NLGN4X: variants seen among roughly 807,000 people sequenced by gnomAD.
NLGN4X encodes the protein neuroligin-4, X-linked.
A neutral mutation model predicts 40.3 loss-of-function variants in NLGN4X; 3 were observed. The ratio of observed to expected loss-of-function variants is 0.07; its 90% CI spans 0.03 to 0.19. NLGN4X has a LOEUF of 0.19. Among genes scored for constraint, NLGN4X ranks in the 10% least tolerant of loss-of-function variants. The probability of loss-of-function intolerance (pLI) is 1.00; values close to 1 mark genes in which losing one functional copy is unlikely to be tolerated. For synonymous variants in NLGN4X, 270 were observed against 306.8 expected (o/e 0.88, Z 1.25); for missense variants, 382 against 708.3 (o/e 0.54, Z 5.23).
chrX:6,081,192 G>A (rs771909662), intron 2 of NLGN4X, among the ~76,000 whole-genome samples: 5 of 111,741 alleles, frequency 4.5e-5, no homozygotes, highest in Non-Finnish European at 9.4e-5. Context: ...AGAGGCTGAG[G>A]TGGGAGGATT....
intron 2 of NLGN4X, among the ~76,000 whole-genome samples, chrX:6,081,899 T>C (rs10522049): frequency 0.049 from 5,510 of 111,964 alleles, 127 homozygotes; most frequent in East Asian, 0.16. Flanking sequence ...ACAGTTGCGA[T>C]CAATAAAGAA....
intron 1 of NLGN4X, among the ~76,000 whole-genome samples, chrX:6,165,580 T>A (rs1303732747): frequency 8.9e-6 from 1 of 112,041 alleles, no homozygotes; most frequent in African/African-American, 3.2e-5. Context: ...AAGATTCTAA[T>A]CTGCCAGATT....
intron 2 of NLGN4X, among the ~76,000 whole-genome samples, chrX:6,050,758 C>G (rs369870619): frequency 1.1e-5 from 1 of 93,488 alleles, no homozygotes. Context: ...TCTATTCACC[C>G]ATGTCTGTCT....
In NLGN4X at chrX:6,151,226, G is replaced by A. The variant is rs1245032090; in HGVS notation, c.241C>T (p.Pro81Ser). 8.3e-7 allele frequency: 1 copy of A among 1,210,971 alleles called. No individual in the cohort carries two copies. The highest frequency in any genetic ancestry group is 1.7e-5 in the African/African-American group (1 of 57,743). The change falls in exon 2 of 6, where the codon CCC (proline) becomes TCC (serine). Residue 81 changes from proline to serine, a missense_variant. This residue lies in a region of NLGN4X where 115 missense variants were observed against 149.6 expected (regional missense o/e 0.77). Transcript: ENST00000381095. The stretch of plus-strand genomic sequence containing the variant: ...TGAAACCGCCTCTCTCCAGTGGGGG[G>A]TGAGGCATAGGGGACCCCTAAGTAC... ...EQYLGVPYAS[P>S]PTGERRFQPP... is the part of the protein sequence containing the mutation.
chrX:6,006,882 A>T (rs780571560), intron 3 of NLGN4X, among the ~76,000 whole-genome samples: 4 of 111,802 alleles, frequency 3.6e-5, no homozygotes, highest in Non-Finnish European at 7.5e-5. Flanking sequence ...TATGGAAAAT[A>T]GTATGGAGAT....
chrX:6,014,412 C>T (rs780234892), intron 3 of NLGN4X, among the ~76,000 whole-genome samples: 1 of 111,460 alleles, frequency 9.0e-6, no homozygotes, highest in African/African-American at 3.3e-5. Context: ...ACTTTTAGCA[C>T]CCAGAACTGT....
intron 2 of NLGN4X, among the ~76,000 whole-genome samples, chrX:6,145,429 C>A: frequency 8.9e-6 from 1 of 112,236 alleles, no homozygotes; most frequent in Non-Finnish European, 1.9e-5. Context: ...TGCATCCCTG[C>A]CATTCTGCCA....
intron 2 of NLGN4X, among the ~76,000 whole-genome samples, chrX:6,081,401 GC>G (rs765487030): frequency 8.9e-5 from 10 of 112,643 alleles, no homozygotes; most frequent in African/African-American, 3.2e-4. Flanking sequence ...ACAGGCATGA[GC>G]CACTATGCCC....
intron 1 of NLGN4X, among the ~76,000 whole-genome samples, chrX:6,193,642 T>C (rs1378300507): frequency 9.0e-6 from 1 of 111,727 alleles, no homozygotes; most frequent in African/African-American, 3.3e-5. Flanking sequence ...TGTTCCCTAA[T>C]AAGTCAAGGA....
Position 6,054,559 on chromosome X carries a change from G to A in NLGN4X, c.473-25127C>T, listed in dbSNP as rs1242669896. 3.6e-5 allele frequency among the ~76,000 whole-genome samples: 4 copies of A among 111,210 alleles called. No individual in the cohort carries two copies. The East Asian group carries it at 1.1e-3, about 31-fold the overall frequency. Reference sequence around the variant, plus strand: ...CACTTGACCTCAGGATTTCAAGGTTGCAGTGAGCTATGATCATACCACTCC... The same window carrying A: ...CACTTGACCTCAGGATTTCAAGGTTACAGTGAGCTATGATCATACCACTCC... On this transcript the variant is annotated intron_variant, in intron 2 of 5. Transcript: ENST00000381095.
chrX:6,064,628 T>C (rs771064713), intron 2 of NLGN4X, among the ~76,000 whole-genome samples: 8 of 110,826 alleles, frequency 7.2e-5, no homozygotes, highest in Non-Finnish European at 1.5e-4. Flanking sequence ...GGGACAAGCA[T>C]GTCATCAATA....
rs1035697604 is a variant in NLGN4X, at chrX:6,210,007, C to T, written c.-306+18534G>A. Among the ~76,000 whole-genome samples the T allele has an allele frequency of 4.5e-5, 5 of 111,530 alleles. No individual in the cohort carries two copies. In the East Asian group the frequency reaches 1.4e-3, roughly 32 times the overall value. ...CTGGGATTACAGGAGCGAGCCATCACATCTGGCTATTTTTTTTCTTTTTTT... is the reference window on the plus strand; with the variant it reads ...CTGGGATTACAGGAGCGAGCCATCATATCTGGCTATTTTTTTTCTTTTTTT... On this transcript the variant is annotated intron_variant, in intron 1 of 5. Coordinates refer to ENST00000381095, the MANE Select transcript of NLGN4X (RefSeq NM_181332.3).
chrX:5,894,582 C>T (rs1445647661), intron 5 of NLGN4X, among the ~76,000 whole-genome samples: 1 of 111,220 alleles, frequency 9.0e-6, no homozygotes, highest in African/African-American at 3.3e-5. Flanking sequence ...AAACTATGAG[C>T]CAAAGAATTA....
intron 2 of NLGN4X, among the ~76,000 whole-genome samples, chrX:6,031,177 T>C (rs911765776): frequency 8.9e-6 from 1 of 112,314 alleles, no homozygotes; most frequent in African/African-American, 3.2e-5. Flanking sequence ...TGAAAACAGA[T>C]TCTAATTATC....
chrX:5,942,331 G>T (rs912382588), intron 3 of NLGN4X, among the ~76,000 whole-genome samples: 14 of 111,160 alleles, frequency 1.3e-4, no homozygotes, highest in African/African-American at 3.9e-4. Flanking sequence ...ACATCAGGGA[G>T]GAGTGGTTCA....
chrX:6,093,463 T>C (rs2038688647), intron 2 of NLGN4X, among the ~76,000 whole-genome samples: 1 of 111,420 alleles, frequency 9.0e-6, no homozygotes, highest in Non-Finnish European at 1.9e-5. Flanking sequence ...ATCAAGTAAA[T>C]GGCAAATTAA....
At chrX:6,044,940 G>T (rs190344706) in intron 2 of NLGN4X, among the ~76,000 whole-genome samples, 1 of 112,388 alleles carries the variant, frequency 8.9e-6, no homozygotes, top group African/African-American at 3.2e-5. Context: ...AGTAAAATAA[G>T]ATGCAGTTTC....
intron 2 of NLGN4X, among the ~76,000 whole-genome samples, chrX:6,083,979 AC>A (rs1403859258): frequency 1.8e-5 from 2 of 112,379 alleles, no homozygotes; most frequent in African/African-American, 6.5e-5. Flanking sequence ...GCAATGAATT[AC>A]CTAGACATAC....
At chrX:6,213,149 C>T (rs1924767856) in intron 1 of NLGN4X, among the ~76,000 whole-genome samples, 1 of 109,129 alleles carries the variant, frequency 9.2e-6, no homozygotes, top group South Asian at 4.1e-4. Flanking sequence ...GTGATCAAAG[C>T]CAACACCAGC....
Sources: gnomAD v4.1 joint callset for allele counts (sites outside exome capture counted in the v4.1 genomes callset) on GRCh38, gnomAD v4.1.1 for gene constraint, gnomAD v4.1.1 regional missense constraint, MANE v1.5 for transcripts, NCBI Gene and HGNC (gene_info 2026-07-23, HGNC 2026-07-21) for gene names.